The following SLC45A4 variants were observed in gnomAD, a reference collection of about 807,000 sequenced individuals.
The protein encoded by SLC45A4 is polyamine-transporter SLC45A4.
Under a neutral mutation model 63.7 loss-of-function variants are expected in SLC45A4, and 32 were observed. That is an observed-to-expected ratio of 0.50 (90% CI 0.38 to 0.67). SLC45A4 has a LOEUF of 0.67. Ranked by LOEUF, SLC45A4 falls within the 30% of genes least tolerant of loss-of-function variation. The probability of loss-of-function intolerance (pLI) is 0.00; values close to 1 mark genes in which losing one functional copy is unlikely to be tolerated. For missense variants in SLC45A4, 1,027 were observed against 1,157.7 expected (o/e 0.89, Z 1.64); for synonymous variants, 535 against 510.0 (o/e 1.05, Z -0.66).
At chr8:141,284,596 A>T (rs1300090418) in intron 1 of SLC45A4, among the ~76,000 whole-genome samples, 1 of 152,244 alleles carries the variant, frequency 6.6e-6, no homozygotes, top group Non-Finnish European at 1.5e-5. Context: ...ATACAGGTCA[A>T]AACCTCCTAC....
intron 1 of SLC45A4, among the ~76,000 whole-genome samples, chr8:141,290,997 T>C (rs1830326401): frequency 1.3e-5 from 2 of 152,170 alleles, no homozygotes; most frequent in African/African-American, 4.8e-5. Flanking sequence ...TACAGGTGCC[T>C]GCCACCATGC....
chr8:141,233,046 A>G (rs564123167), intron 2 of SLC45A4, among the ~76,000 whole-genome samples: 3 of 152,374 alleles, frequency 2.0e-5, no homozygotes, highest in African/African-American at 7.2e-5. Flanking sequence ...CACCAAGGCG[A>G]AAGGGAGTCG....
rs1284811865 is a variant in SLC45A4 at position 141,229,248 on chromosome 8, C to A, written c.242-7483G>T. ...CCGCCACCTGCAGTCAGAGTGACCA[C>A]CTAAAACCCACTGCTTGCACCTGCC... On this transcript the variant is annotated intron_variant, in intron 2 of 8. Coordinates refer to ENST00000517878, the MANE Select transcript of SLC45A4 (RefSeq NM_001286646.2). This position sits in a 1 kb window ranked among gnomAD's most constrained non-coding sequence, Gnocchi z 5.0. Among the ~76,000 whole-genome samples the A allele has an allele frequency of 6.6e-6, 1 of 152,106 alleles. No homozygotes were observed. The highest frequency in any genetic ancestry group is 1.5e-5 in the Non-Finnish European group (1 of 68,024).
chr8:141,227,663 C>G lies in SLC45A4; in HGVS notation c.242-5898G>C, dbSNP rs1276497616. Reference sequence around the variant, plus strand: ...TGCAAGAGGGGAAGGGCCACTGGCACTGGGCCCCCGGCACTGAGGCTCTGT... The same window carrying G: ...TGCAAGAGGGGAAGGGCCACTGGCAGTGGGCCCCCGGCACTGAGGCTCTGT... On this transcript the variant is annotated intron_variant, in intron 2 of 8. Coordinates refer to ENST00000517878, the MANE Select transcript of SLC45A4 (RefSeq NM_001286646.2). The surrounding 1 kb of genome is among the most constrained non-coding windows in gnomAD (Gnocchi z 4.4). Among the ~76,000 whole-genome samples, 2 of 152,224 alleles carry G rather than the reference C, an allele frequency of 1.3e-5. No homozygotes were observed. Among genetic ancestry groups the G allele is most frequent in the African/African-American group, 4.8e-5 (2 of 41,472 alleles).
In SLC45A4 at chr8:141,215,679, G is replaced by A; in HGVS notation, c.1941+80C>T. 1 of 1,427,962 alleles carries A rather than the reference G, an allele frequency of 7.0e-7. No individual in the cohort carries two copies. The highest frequency in any genetic ancestry group is 9.7e-7 in the Non-Finnish European group (1 of 1,027,566). The allele number at this position is 1,427,962 out of a possible 1,614,324, so 88.5% of individuals were successfully genotyped here. On this transcript the variant is annotated intron_variant, in intron 7 of 8. Coordinates refer to ENST00000517878, the MANE Select transcript of SLC45A4 (RefSeq NM_001286646.2). The surrounding 1 kb of genome is among the most constrained non-coding windows in gnomAD (Gnocchi z 4.3). ...TCTGTGTCGTGAACGTCCCCCCGGGGAAGCACAGGGCTCTGCTCTGTATGG... is the reference window on the plus strand; with the variant it reads ...TCTGTGTCGTGAACGTCCCCCCGGGAAAGCACAGGGCTCTGCTCTGTATGG...
At position 141,211,771 on chromosome 8, in the gene SLC45A4, A is replaced by G. The variant is rs919426534; in HGVS notation, c.2302-74T>C. 3 of 1,422,282 alleles carry G rather than the reference A, an allele frequency of 2.1e-6. No homozygotes were observed. The African/African-American group carries it at 4.4e-5, about 21-fold the overall frequency. The allele number at this position is 1,422,282 out of a possible 1,614,324, so 88.1% of individuals were successfully genotyped here. A position where few individuals can be genotyped will look rare whatever the true frequency, so the allele number is the denominator to read the frequency against. On this transcript the variant is annotated intron_variant, in intron 8 of 8. Transcript: ENST00000517878. ...CCATTATCTGAAGCATTCAGATAAG[A>G]CTTAGCAGAGAATGTCAGATTTTGT...
intron 2 of SLC45A4, among the ~76,000 whole-genome samples, chr8:141,249,851 C>T (rs979942344): frequency 1.3e-5 from 2 of 152,188 alleles, no homozygotes; most frequent in Non-Finnish European, 2.9e-5. Context: ...GTTGTCTGGA[C>T]TCAATCTAAG....
chr8:141,231,007 C>T (rs1589789663), intron 2 of SLC45A4, among the ~76,000 whole-genome samples: 1 of 151,792 alleles, frequency 6.6e-6, no homozygotes, highest in East Asian at 2.0e-4. Context: ...GCATTTCCCC[C>T]ACCCCGCCCG....
intron 3 of SLC45A4, 97 bp from the exon 4 acceptor site, chr8:141,219,926 C>T: frequency 2.5e-6 from 3 of 1,208,358 alleles, no homozygotes; most frequent in South Asian, 1.6e-5. Flanking sequence ...GCGGAGGGGG[C>T]ACGGCCACAA....
At position 141,254,818 on chromosome 8, in the gene SLC45A4, C is replaced by A. The variant is rs1411940103; in HGVS notation, c.-400-189G>T. The A allele has an allele frequency of 5.6e-6, 3 of 536,908 alleles. No homozygotes were observed. The African/African-American group carries it at 5.6e-5, about 10-fold the overall frequency. 33.3% of individuals were successfully genotyped at this position (536,908 alleles called of 1,614,324 possible). On this transcript the variant is annotated intron_variant, in intron 1 of 8. Transcript: ENST00000517878. The surrounding 1 kb of genome is among the most constrained non-coding windows in gnomAD (Gnocchi z 4.5). ...AACCTACTTTCTAGAAAAACATTTT[C>A]TCATACGAAAGTGAATCCTGGGGAA...
At chr8:141,282,703 A>G (rs62524186) in intron 1 of SLC45A4, among the ~76,000 whole-genome samples, 22,773 of 152,286 alleles carry the variant, frequency 0.15, 2,270 homozygotes, top group Admixed American at 0.23. Flanking sequence ...CAAGAAGTCA[A>G]CCATCTTTCC....
At chr8:141,300,350 G>A (rs983030097) in intron 1 of SLC45A4, among the ~76,000 whole-genome samples, 2 of 152,208 alleles carry the variant, frequency 1.3e-5, no homozygotes, top group African/African-American at 4.8e-5. Context: ...TGAGTGGGAT[G>A]GGAAGTGGTG....
intron 2 of SLC45A4, among the ~76,000 whole-genome samples, chr8:141,250,702 G>C (rs1828422435): frequency 6.6e-6 from 1 of 152,182 alleles, no homozygotes; most frequent in African/African-American, 2.4e-5. Context: ...TCTGGGCATG[G>C]TTAAGGAAGG....
rs1271605997 is a variant in SLC45A4 at position 141,212,138 on chromosome 8, GCCCGCCCGCCCGCCCA to G, written c.2301+43_2301+58del. 1.8e-5 allele frequency: 12 copies of G among 666,096 alleles called. 1 individual carries two copies. The highest frequency in any genetic ancestry group is 8.6e-5 in the East Asian group (1 of 11,632). The allele number at this position is 666,096 out of a possible 1,614,324, so 41.3% of individuals were successfully genotyped here. A position where few individuals can be genotyped will look rare whatever the true frequency, so the allele number is the denominator to read the frequency against. On this transcript the variant is annotated intron_variant, in intron 8 of 8. Coordinates refer to ENST00000517878, the MANE Select transcript of SLC45A4 (RefSeq NM_001286646.2). ...CTCCCGCCCATGGCCTGGCCCCGCC[GCCCGCCCGCCCGCCCA>G]CCCGCCCACTGGAATGTGTGTAAAC...
At chr8:141,244,895 C>T (rs984403252) in intron 2 of SLC45A4, among the ~76,000 whole-genome samples, 7 of 141,008 alleles carry the variant, frequency 5.0e-5, no homozygotes, top group African/African-American at 1.6e-4. Flanking sequence ...AGCACCAGGG[C>T]CCAGAAAACC....
At chr8:141,305,730 T>C (rs1830876462) in intron 1 of SLC45A4, among the ~76,000 whole-genome samples, 2 of 152,112 alleles carry the variant, frequency 1.3e-5, no homozygotes, top group South Asian at 4.1e-4. Flanking sequence ...GAGAGGGCAC[T>C]GGGATGCACC....
intron 1 of SLC45A4, among the ~76,000 whole-genome samples, chr8:141,262,382 T>C (rs1488833928): frequency 1.4e-5 from 2 of 147,102 alleles, no homozygotes; most frequent in South Asian, 2.2e-4. Context: ...CTAATTAAAC[T>C]AAAGAGCTTC....
At position 141,209,302 on chromosome 8, in the gene SLC45A4, CCTT is replaced by C. The variant is rs2154613893; in HGVS notation, c.*2267_*2269del. On this transcript the variant is annotated 3_prime_UTR_variant, in exon 9 of 9. Transcript: ENST00000517878. ...CAGACAAGACAGCCTGCCCGTCTGC[CCTT>C]CTTCTCGGCTTCCCTTAAGACACAA... 6.6e-6 allele frequency: 1 copy of C among 152,546 alleles called. No individual in the cohort carries two copies. Among genetic ancestry groups the C allele is most frequent in the Admixed American group, 6.5e-5 (1 of 15,312 alleles). The allele number at this position is 152,546 out of a possible 1,614,324, so 9.4% of individuals were successfully genotyped here.
chr8:141,244,968 G>GGGGGGGGGGGGGGTGGGGGGGGC (rs1569558620), intron 2 of SLC45A4, among the ~76,000 whole-genome samples: 1 of 71,836 alleles, frequency 1.4e-5, no homozygotes. Context: ...GGGGGGGGGG[G>GGGGGGGGGGGGGGTGGGGGGGGC]GCGGTGTGGA....
Sources: allele counts gnomAD v4.1 joint callset (sites outside exome capture counted in the v4.1 genomes callset), GRCh38; gene constraint gnomAD v4.1.1; non-coding constraint Gnocchi (gnomAD v3.1); transcripts MANE v1.5; gene names NCBI Gene and HGNC (gene_info 2026-07-23, HGNC 2026-07-21).